PTPRD: variants seen among roughly 807,000 people sequenced by gnomAD.
PTPRD encodes the protein receptor-type tyrosine-protein phosphatase delta.
Under a neutral mutation model 214.5 loss-of-function variants are expected in PTPRD, and 34 were observed. The observed-to-expected ratio is 0.16, with a 90% confidence interval of 0.12 to 0.21. PTPRD has a LOEUF of 0.21. Among genes scored for constraint, PTPRD ranks in the 10% least tolerant of loss-of-function variants. PTPRD has a pLI of 1.00. For missense variants in PTPRD, 2,545 were observed against 2,398.7 expected, an observed-to-expected ratio of 1.06 and a Z score of -1.27; for synonymous variants, 1,128 against 845.7, an observed-to-expected ratio of 1.33 and a Z score of -5.79.
chr9:10,444,014 C>A (rs770892326), intron 2 of PTPRD, among the ~76,000 whole-genome samples: 1 of 151,600 alleles, frequency 6.6e-6, no homozygotes, highest in African/African-American at 2.4e-5. Context: ...AGTTGCCCAA[C>A]ATTCATATTC....
intron 11 of PTPRD, among the ~76,000 whole-genome samples, chr9:8,809,497 C>T (rs2096757162): frequency 6.6e-6 from 1 of 152,152 alleles, no homozygotes; most frequent in Admixed American, 6.5e-5. Flanking sequence ...TGTCTGCTTT[C>T]CATTTACACC....
chr9:9,596,126 T>C (rs1029620944), intron 7 of PTPRD, among the ~76,000 whole-genome samples: 2 of 151,946 alleles, frequency 1.3e-5, no homozygotes, highest in South Asian at 2.1e-4. Context: ...GGAATACCCA[T>C]GGATACACTA....
At chr9:9,439,926 T>C (rs938339890) in intron 8 of PTPRD, among the ~76,000 whole-genome samples, 8 of 152,200 alleles carry the variant, frequency 5.3e-5, no homozygotes, top group Admixed American at 4.6e-4. Flanking sequence ...CAGAGCAGGA[T>C]TCAAACTTGA....
intron 11 of PTPRD, among the ~76,000 whole-genome samples, chr9:8,953,057 A>G (rs769939788): frequency 2.0e-5 from 3 of 152,038 alleles, no homozygotes; most frequent in Non-Finnish European, 4.4e-5. Flanking sequence ...GCAACGAATT[A>G]TATTTTAGAA....
intron 2 of PTPRD, among the ~76,000 whole-genome samples, chr9:10,407,741 C>A (rs982685447): frequency 9.9e-5 from 15 of 151,418 alleles, no homozygotes; most frequent in African/African-American, 3.6e-4. Flanking sequence ...AATGATTTTT[C>A]TAATAAAATG....
intron 12 of PTPRD, among the ~76,000 whole-genome samples, chr9:8,674,480 A>C (rs2097359590): frequency 6.7e-6 from 1 of 150,004 alleles, no homozygotes; most frequent in Non-Finnish European, 1.5e-5. Context: ...AAAAAAAAAA[A>C]AAAGCATGAA....
At chr9:9,531,878 C>T (rs906663383) in intron 8 of PTPRD, among the ~76,000 whole-genome samples, 3 of 151,846 alleles carry the variant, frequency 2.0e-5, no homozygotes, top group Non-Finnish European at 4.4e-5. Context: ...GATGAGGTTA[C>T]AGAAGATTGT....
chr9:9,854,063 A>T (rs906035332), intron 5 of PTPRD, among the ~76,000 whole-genome samples: 11 of 152,174 alleles, frequency 7.2e-5, no homozygotes, highest in Admixed American at 2.6e-4. Flanking sequence ...AACTCTATTC[A>T]TCACACCATG....
At chr9:8,973,389 A>G (rs988892781) in intron 11 of PTPRD, among the ~76,000 whole-genome samples, 11 of 152,082 alleles carry the variant, frequency 7.2e-5, no homozygotes, top group African/African-American at 2.7e-4. Context: ...TGCAAAGGAC[A>G]TGATTTCATT....
rs192175119 is a variant in PTPRD, at chr9:10,343,328, T to C, written c.-599-2311A>G. Among the ~76,000 whole-genome samples, 1,462 of 152,270 alleles carry C rather than the reference T, an allele frequency of 9.6e-3. 6 individuals are homozygous for C. Among genetic ancestry groups the C allele is most frequent in the Middle Eastern group, 0.017 (5 of 294 alleles). ...GAACTCATCCTTTTTTATGGCTGCA[T>C]TATATTCCATGGTGTATATGTGCCA... On this transcript the variant is annotated intron_variant, in intron 2 of 45. Transcript: ENST00000381196.
chr9:9,048,865 AT>A lies in PTPRD; in HGVS notation c.-142-30131del, dbSNP rs769310025. 1.1e-4 allele frequency among the ~76,000 whole-genome samples: 17 copies of A among 152,310 alleles called. 1 individual carries two copies. The South Asian group carries it at 3.5e-3, about 32-fold the overall frequency. ...AAATGCTTGAGGGTATAGATACCCC[AT>A]TTTCCATGATGTGATTATTACACAT... On this transcript the variant is annotated intron_variant, in intron 10 of 45. Coordinates refer to ENST00000381196, the MANE Select transcript of PTPRD (RefSeq NM_002839.4).
intron 37 of PTPRD, among the ~76,000 whole-genome samples, chr9:8,387,007 C>T (rs1315143305): frequency 6.6e-6 from 1 of 152,128 alleles, no homozygotes; most frequent in Non-Finnish European, 1.5e-5. Flanking sequence ...TGTGTATTGT[C>T]AGATTGGTGG....
intron 4 of PTPRD, among the ~76,000 whole-genome samples, chr9:9,989,483 T>C (rs987055499): frequency 3.3e-5 from 5 of 152,156 alleles, no homozygotes; most frequent in Non-Finnish European, 7.3e-5. Flanking sequence ...GGCAGGACTT[T>C]GGAGAAGAGT....
At chr9:8,696,754 T>C (rs988853240) in intron 12 of PTPRD, among the ~76,000 whole-genome samples, 1 of 152,234 alleles carries the variant, frequency 6.6e-6, no homozygotes, top group Non-Finnish European at 1.5e-5. Context: ...TAAGCCAAGA[T>C]AAGGAGTTTT....
At chr9:9,619,927 A>C (rs2095141205) in intron 7 of PTPRD, among the ~76,000 whole-genome samples, 1 of 151,178 alleles carries the variant, frequency 6.6e-6, no homozygotes, top group African/African-American at 2.4e-5. Context: ...TATGTAATAT[A>C]GATAGATATT....
chr9:9,773,557 G>C (rs945869233), intron 5 of PTPRD, among the ~76,000 whole-genome samples: 3 of 152,166 alleles, frequency 2.0e-5, no homozygotes, highest in African/African-American at 7.2e-5. Context: ...AGAATAAAGA[G>C]TATTCCATCC....
At chr9:8,584,507 C>A (rs2093473914) in intron 14 of PTPRD, among the ~76,000 whole-genome samples, 1 of 151,952 alleles carries the variant, frequency 6.6e-6, no homozygotes, top group South Asian at 2.1e-4. Flanking sequence ...TTATGCCATT[C>A]CCTCAAAATG....
chr9:9,676,151 G>C (rs1273012175), intron 7 of PTPRD, among the ~76,000 whole-genome samples: 1 of 151,950 alleles, frequency 6.6e-6, no homozygotes, highest in Non-Finnish European at 1.5e-5. Flanking sequence ...TATACTTTAA[G>C]TTTTAGGGTA....
At chr9:8,804,278 C>T (rs1456273807) in intron 11 of PTPRD, among the ~76,000 whole-genome samples, 1 of 151,978 alleles carries the variant, frequency 6.6e-6, no homozygotes, top group African/African-American at 2.4e-5. Context: ...TAACACAAAT[C>T]TATAGGCACT....
Sources: gnomAD v4.1 joint callset for allele counts (sites outside exome capture counted in the v4.1 genomes callset) on GRCh38, gnomAD v4.1.1 for gene constraint, MANE v1.5 for transcripts, NCBI Gene and HGNC (gene_info 2026-07-23, HGNC 2026-07-21) for gene names.